Variants in VSTM2L observed in about 807,000 individuals in gnomAD.
VSTM2L encodes the protein V-set and transmembrane domain-containing protein 2-like protein.
In VSTM2L, 9 loss-of-function variants were observed where a neutral mutation model predicts 19.9. The ratio of observed to expected loss-of-function variants is 0.45; its 90% CI spans 0.27 to 0.79. The LOEUF (loss-of-function observed/expected upper bound fraction) is 0.79. Ranked by LOEUF, VSTM2L falls within the 30% of genes least tolerant of loss-of-function variation. The pLI is 0.15. For missense variants in VSTM2L, 286 were observed against 295.5 expected, an observed-to-expected ratio of 0.97 and a Z score of 0.24; for synonymous variants, 127 against 133.8, an observed-to-expected ratio of 0.95 and a Z score of 0.35.
intron 3 of VSTM2L, among the ~76,000 whole-genome samples, chr20:37,943,150 A>G (rs572547560): frequency 6.6e-6 from 1 of 152,128 alleles, no homozygotes; most frequent in African/African-American, 2.4e-5. Flanking sequence ...TTGTATTTTT[A>G]GTAGAGATGG....
At chr20:37,913,097 G>A (rs952155964) in intron 1 of VSTM2L, among the ~76,000 whole-genome samples, 3 of 152,134 alleles carry the variant, frequency 2.0e-5, no homozygotes, top group African/African-American at 7.2e-5. Flanking sequence ...CACAGAGCAG[G>A]CACTCAGTAA....
chr20:37,938,927 G>T (rs1186175479), intron 3 of VSTM2L, among the ~76,000 whole-genome samples: 1 of 152,134 alleles, frequency 6.6e-6, no homozygotes, highest in Non-Finnish European at 1.5e-5. Context: ...AAGACATGGA[G>T]GATTGGGGGC....
intron 3 of VSTM2L, among the ~76,000 whole-genome samples, chr20:37,937,466 G>A (rs1367438273): frequency 6.6e-6 from 1 of 152,110 alleles, no homozygotes; most frequent in Non-Finnish European, 1.5e-5. Context: ...TTCAAGTTCT[G>A]GAAGTTTTTC....
chr20:37,927,406 G>A (rs935443621), intron 1 of VSTM2L, among the ~76,000 whole-genome samples: 2 of 151,696 alleles, frequency 1.3e-5, no homozygotes, highest in Non-Finnish European at 1.5e-5. Flanking sequence ...TATTCCATGC[G>A]CGCCTTGCAG....
intron 1 of VSTM2L, among the ~76,000 whole-genome samples, chr20:37,907,666 C>G (rs1392749348): frequency 6.6e-6 from 1 of 151,718 alleles, no homozygotes; most frequent in Non-Finnish European, 1.5e-5. Context: ...CACACACACA[C>G]CCCTACACAC....
At chr20:37,931,560 C>G in intron 1 of VSTM2L, 75 bp from the exon 2 acceptor site, 1 of 1,456,632 alleles carries the variant, frequency 6.9e-7, no homozygotes, top group Non-Finnish European at 9.3e-7. Context: ...GCTGTTCCTA[C>G]GTTCTCCACC....
chr20:37,939,063 TCA>T (rs2072956812), intron 3 of VSTM2L, among the ~76,000 whole-genome samples: 1 of 152,190 alleles, frequency 6.6e-6, no homozygotes, highest in South Asian at 2.1e-4. Context: ...TCTCTGAGTC[TCA>T]GTTTCTTCAC....
chr20:37,928,544 C>G (rs891542024), intron 1 of VSTM2L, among the ~76,000 whole-genome samples: 4 of 152,174 alleles, frequency 2.6e-5, no homozygotes, highest in Admixed American at 6.5e-5. Context: ...TGCTTAAGCC[C>G]AGGAGTTCAA....
chr20:37,941,954 T>TG (rs2072974855), intron 3 of VSTM2L, among the ~76,000 whole-genome samples: 1 of 150,430 alleles, frequency 6.6e-6, no homozygotes, highest in Non-Finnish European at 1.5e-5. Flanking sequence ...GTTTCAAAAA[T>TG]AGGTCATTAA....
intron 3 of VSTM2L, among the ~76,000 whole-genome samples, chr20:37,936,550 C>T (rs1371645397): frequency 6.6e-6 from 1 of 152,148 alleles, no homozygotes; most frequent in Non-Finnish European, 1.5e-5. Flanking sequence ...TAAGAAAGTG[C>T]TGTCAGCTTC....
rs12743 is a variant in VSTM2L at position 37,945,222 on chromosome 20, C to T, written c.*969C>T. The T allele has an allele frequency of 0.035, 34,468 of 985,390 alleles. 725 individuals carry two copies. Among genetic ancestry groups the T allele is most frequent in the Middle Eastern group, 0.053 (101 of 1,916 alleles). 61.0% of individuals were successfully genotyped at this position (985,390 alleles called of 1,614,324 possible). On this transcript the variant is annotated 3_prime_UTR_variant, in exon 4 of 4. Coordinates refer to ENST00000373461, the MANE Select transcript of VSTM2L (RefSeq NM_080607.3). The stretch of plus-strand genomic sequence containing the variant: ...CCTCGGAATTGGCTGGCACCTCTGG[C>T]TGCCGCAGCTCAGTGATGACGTGGG...
chr20:37,914,748 G>C (rs531879005), intron 1 of VSTM2L, among the ~76,000 whole-genome samples: 1 of 152,156 alleles, frequency 6.6e-6, no homozygotes, highest in African/African-American at 2.4e-5. Flanking sequence ...ACCTTGCAGA[G>C]GGGAAAACTG....
Position 37,945,229 on chromosome 20 carries a change from A to G in VSTM2L, c.*976A>G. On this transcript the variant is annotated 3_prime_UTR_variant, in exon 4 of 4. Coordinates refer to ENST00000373461, the MANE Select transcript of VSTM2L (RefSeq NM_080607.3). ...ATTGGCTGGCACCTCTGGCTGCCGC[A>G]GCTCAGTGATGACGTGGGGGAGGTG... 2.0e-6 allele frequency: 2 copies of G among 985,508 alleles called. No homozygotes were observed. The highest frequency in any genetic ancestry group is 1.2e-6 in the Non-Finnish European group (1 of 829,994). 61.0% of individuals were successfully genotyped at this position (985,508 alleles called of 1,614,324 possible).
chr20:37,934,154 A>G (rs2072926603), intron 3 of VSTM2L, among the ~76,000 whole-genome samples: 1 of 152,250 alleles, frequency 6.6e-6, no homozygotes, highest in East Asian at 1.9e-4. Flanking sequence ...AGGTCACGCC[A>G]AGGGTGACTG....
Position 37,911,235 on chromosome 20 carries a change from CAAAAAA to C in VSTM2L, c.121+7783_121+7788del, listed in dbSNP as rs11352183. ...CAGTGAGCCTAGTGAGACTCCATCT[CAAAAAA>C]AAAAAAAAAAAAAAAAAAGCTGGGA... is the stretch of plus-strand genomic sequence containing the variant. On this transcript the variant is annotated intron_variant, in intron 1 of 3. Transcript: ENST00000373461. 1.1e-4 allele frequency among the ~76,000 whole-genome samples: 5 copies of C among 45,778 alleles called. No homozygotes were observed. The East Asian group carries it at 3.0e-3, about 27-fold the overall frequency. 30.0% of individuals were successfully genotyped at this position (45,778 alleles called of 152,430 possible).
At chr20:37,915,045 C>T (rs1005147401) in intron 1 of VSTM2L, among the ~76,000 whole-genome samples, 4 of 152,210 alleles carry the variant, frequency 2.6e-5, no homozygotes, top group Admixed American at 6.5e-5. Context: ...AGCTGTTTGC[C>T]GCCTGTCGTC....
chr20:37,926,038 G>GT (rs1568838947), intron 1 of VSTM2L, among the ~76,000 whole-genome samples: 1 of 152,198 alleles, frequency 6.6e-6, no homozygotes, highest in Non-Finnish European at 1.5e-5. Flanking sequence ...ACTCTGCAAG[G>GT]TTGGCCATTT....
At chr20:37,910,127 C>T (rs953039549) in intron 1 of VSTM2L, among the ~76,000 whole-genome samples, 1 of 152,198 alleles carries the variant, frequency 6.6e-6, no homozygotes, top group African/African-American at 2.4e-5. Flanking sequence ...CCTAGAGAAA[C>T]CTCTTACATT....
chr20:37,922,907 G>A (rs974089608), intron 1 of VSTM2L, among the ~76,000 whole-genome samples: 11 of 151,418 alleles, frequency 7.3e-5, no homozygotes, highest in East Asian at 1.9e-4. Context: ...GGGCCCACGC[G>A]TGAGTAAAAT....
Sources: allele counts gnomAD v4.1 joint callset (sites outside exome capture counted in the v4.1 genomes callset), GRCh38; gene constraint gnomAD v4.1.1; transcripts MANE v1.5; gene names NCBI Gene and HGNC (gene_info 2026-07-23, HGNC 2026-07-21).